CGGBP1: variants seen among roughly 807,000 people sequenced by gnomAD.
The protein encoded by CGGBP1 is CGG triplet repeat-binding protein 1.
Under a neutral mutation model 11.4 loss-of-function variants are expected in CGGBP1, and 4 were observed. That is an observed-to-expected ratio of 0.35 (90% CI 0.17 to 0.80). The LOEUF (loss-of-function observed/expected upper bound fraction) is 0.80, where lower values mean the gene tolerates loss of function less well. Among genes scored for constraint, CGGBP1 ranks in the 30% least tolerant of loss-of-function variants. CGGBP1 has a pLI of 0.52. For missense variants in CGGBP1, 135 were observed against 202.1 expected (o/e 0.67, Z 2.01); for synonymous variants, 76 against 74.1 (o/e 1.03, Z -0.13).
chr3:88,119,110 C>T (rs571559685), intron 2 of CGGBP1, among the ~76,000 whole-genome samples: 2,668 of 148,772 alleles, frequency 0.018, 78 homozygotes, highest in African/African-American at 0.063. Flanking sequence ...GCATTATTCA[C>T]AATAGCAAAG....
At chr3:88,093,861 G>C (rs1168158880) in intron 2 of CGGBP1, among the ~76,000 whole-genome samples, 1 of 152,074 alleles carries the variant, frequency 6.6e-6, no homozygotes, top group Non-Finnish European at 1.5e-5. Flanking sequence ...GTTTTTTGCG[G>C]GGGCTGGGCC....
intron 1 of CGGBP1, among the ~76,000 whole-genome samples, chr3:88,145,907 T>G (rs1245413009): frequency 6.6e-6 from 1 of 152,144 alleles, no homozygotes; most frequent in African/African-American, 2.4e-5. Context: ...AGCTAATAAA[T>G]GCAGAGGGTG....
chr3:88,116,579 T>G (rs200338783), intron 2 of CGGBP1, among the ~76,000 whole-genome samples: 2 of 45,334 alleles, frequency 4.4e-5, no homozygotes, highest in African/African-American at 5.9e-5. Flanking sequence ...CACACACACA[T>G]GCACATATAT....
intron 2 of CGGBP1, chr3:88,126,030 A>T: frequency 8.4e-7 from 1 of 1,185,616 alleles, no homozygotes; most frequent in Non-Finnish European, 1.1e-6. Context: ...TTTATAATTT[A>T]ATAGCTGCCT....
chr3:88,111,573 TATTTA>T (rs1705091085), intron 2 of CGGBP1, among the ~76,000 whole-genome samples: 1 of 152,060 alleles, frequency 6.6e-6, no homozygotes, highest in African/African-American at 2.4e-5. Context: ...TGTATGGATA[TATTTA>T]ATTTACCTAG....
At chr3:88,074,962 T>G (rs1337337145) in intron 2 of CGGBP1, among the ~76,000 whole-genome samples, 5 of 152,198 alleles carry the variant, frequency 3.3e-5, no homozygotes, top group Non-Finnish European at 7.3e-5. Context: ...ATTGTGCTAC[T>G]GTCTGTTTGC....
At chr3:88,088,275 A>G (rs1027745443) in intron 2 of CGGBP1, among the ~76,000 whole-genome samples, 4 of 152,206 alleles carry the variant, frequency 2.6e-5, no homozygotes, top group Non-Finnish European at 4.4e-5. Flanking sequence ...TGGTTTTTAC[A>G]TATTAATGAA....
intron 2 of CGGBP1, among the ~76,000 whole-genome samples, chr3:88,065,707 A>C (rs1707157958): frequency 6.6e-6 from 1 of 151,984 alleles, no homozygotes; most frequent in Non-Finnish European, 1.5e-5. Context: ...TTCTTTTCCT[A>C]CCTCACAGAT....
chr3:88,073,846 G>A (rs1707648887), intron 2 of CGGBP1, among the ~76,000 whole-genome samples: 1 of 152,160 alleles, frequency 6.6e-6, no homozygotes, highest in Non-Finnish European at 1.5e-5. Context: ...TAATAAGAGA[G>A]CAGTGGATTT....
intron 2 of CGGBP1, among the ~76,000 whole-genome samples, chr3:88,076,554 G>C (rs1184374695): frequency 6.6e-6 from 1 of 151,802 alleles, no homozygotes; most frequent in Non-Finnish European, 1.5e-5. Flanking sequence ...ACTGTTAATT[G>C]TGAGTGCATC....
chr3:88,059,152 T>TG (rs1029072768), upstream of CGGBP1: 7 of 1,306,100 alleles, frequency 5.4e-6, no homozygotes, highest in Non-Finnish European at 7.1e-6. Flanking sequence ...CAATAAAAAC[T>TG]GGGGGCGTGG....
upstream of CGGBP1, chr3:88,059,634 G>A (rs2107571626): frequency 7.4e-7 from 1 of 1,348,000 alleles, no homozygotes; most frequent in Non-Finnish European, 9.6e-7. Flanking sequence ...GGGTGAGGCT[G>A]AAGCTCCCTC....
At chr3:88,098,868 C>A (rs1350850455) in intron 2 of CGGBP1, among the ~76,000 whole-genome samples, 1 of 152,174 alleles carries the variant, frequency 6.6e-6, no homozygotes, top group Non-Finnish European at 1.5e-5. Flanking sequence ...GACAAACCCA[C>A]AGCCAGTATC....
chr3:88,056,825 A>G (rs1362879541), intron 3 of CGGBP1: 1 of 152,192 alleles, frequency 6.6e-6, no homozygotes, highest in African/African-American at 2.4e-5. Flanking sequence ...CGTATCTTCA[A>G]TATTTGTCCA....
intron 2 of CGGBP1, among the ~76,000 whole-genome samples, chr3:88,126,579 CTTTTTTTTT>C (rs144091813): frequency 2.1e-3 from 173 of 81,780 alleles, no homozygotes; most frequent in Non-Finnish European, 2.0e-3. Flanking sequence ...GTAGAAACAT[CTTTTTTTTT>C]TTTTTTTTTT....
intron 2 of CGGBP1, chr3:88,096,002 C>T (rs1576264275): frequency 9.6e-6 from 2 of 208,906 alleles, no homozygotes; most frequent in Non-Finnish European, 1.9e-5. Context: ...GGACTAAGGC[C>T]ACTGCATCCC....
chr3:88,089,191 TAAAA>T (rs11328694), intron 2 of CGGBP1, among the ~76,000 whole-genome samples: 4 of 131,194 alleles, frequency 3.0e-5, no homozygotes, highest in Non-Finnish European at 4.8e-5. Flanking sequence ...GCTTACGTAT[TAAAA>T]AAAAAAAAAA....
intron 1 of CGGBP1, chr3:88,143,757 C>G (rs1447183657): frequency 6.6e-6 from 1 of 152,068 alleles, no homozygotes; most frequent in Non-Finnish European, 1.5e-5. Flanking sequence ...AGACTGAGAT[C>G]AAACTGGTTT....
intron 2 of CGGBP1, among the ~76,000 whole-genome samples, chr3:88,108,653 G>A (rs999566523): frequency 2.0e-5 from 3 of 152,152 alleles, no homozygotes; most frequent in African/African-American, 2.4e-5. Flanking sequence ...TAGTCATTTC[G>A]TAGCCCTCTA....
Sources: allele counts gnomAD v4.1 joint callset (sites outside exome capture counted in the v4.1 genomes callset), GRCh38; gene constraint gnomAD v4.1.1; transcripts MANE v1.5; gene names NCBI Gene and HGNC (gene_info 2026-07-23, HGNC 2026-07-21).